CTNNA2: variants seen among roughly 807,000 people sequenced by gnomAD.
The protein encoded by CTNNA2 is catenin alpha 2, also known as catenin alpha-2.
Under a neutral mutation model 101.0 loss-of-function variants are expected in CTNNA2, and 42 were observed. That is an observed-to-expected ratio of 0.42 (90% CI 0.32 to 0.54). CTNNA2 has a LOEUF of 0.54. Among genes scored for constraint, CTNNA2 ranks in the 20% least tolerant of loss-of-function variants. The pLI is 0.14. For missense variants in CTNNA2, 871 were observed against 1,223.1 expected (o/e 0.71, Z 4.29); for synonymous variants, 450 against 456.4 (o/e 0.99, Z 0.18).
intron 17 of CTNNA2, chr2:80,608,566 G>A (rs1698212986): frequency 9.6e-6 from 3 of 312,624 alleles, no homozygotes; most frequent in Admixed American, 4.5e-5. Context: ...AACTAATTTT[G>A]TAGTCTGGAA....
intron 1 of CTNNA2, among the ~76,000 whole-genome samples, chr2:79,557,852 G>A (rs1479849393): frequency 6.6e-6 from 1 of 151,956 alleles, no homozygotes; most frequent in African/African-American, 2.4e-5. Context: ...GTGTACTACT[G>A]TGGTACTGAA....
At chr2:79,960,916 C>T (rs1483858858) in intron 7 of CTNNA2, among the ~76,000 whole-genome samples, 3 of 152,232 alleles carry the variant, frequency 2.0e-5, no homozygotes, top group East Asian at 1.9e-4. Flanking sequence ...GTAGGAGCTC[C>T]CAGTTCAGTA....
intron 1 of CTNNA2, among the ~76,000 whole-genome samples, chr2:79,634,126 G>A (rs1315643492): frequency 1.3e-5 from 2 of 152,172 alleles, no homozygotes; most frequent in Non-Finnish European, 2.9e-5. Flanking sequence ...AATAATTTTG[G>A]TGGCTGAGAG....
Position 80,302,915 on chromosome 2 carries a change from G to C in CTNNA2, c.1057-90296G>C, listed in dbSNP as rs753683501. The C allele has an allele frequency of 6.2e-7, 1 of 1,614,136 alleles. No homozygotes were observed. The highest frequency in any genetic ancestry group is 8.5e-7 in the Non-Finnish European group (1 of 1,180,028). ...GGTGATGCTTGTCAGGGACTTCCAA[G>C]AGTTGAGGATCCGGGGCTCGATGTA... On this transcript the variant is annotated intron_variant, in intron 7 of 18. Coordinates refer to ENST00000402739, the MANE Select transcript of CTNNA2 (RefSeq NM_001282597.3). The surrounding 1 kb of genome is among the most constrained non-coding windows in gnomAD (Gnocchi z 6.4).
At chr2:79,780,312 A>G (rs757401298) in intron 3 of CTNNA2, among the ~76,000 whole-genome samples, 18 of 152,188 alleles carry the variant, frequency 1.2e-4, no homozygotes, top group Non-Finnish European at 2.1e-4. Flanking sequence ...TGAACCATTG[A>G]TCAGTCATAT....
chr2:80,613,917 G>C (rs796959035), intron 17 of CTNNA2, among the ~76,000 whole-genome samples: 7 of 151,548 alleles, frequency 4.6e-5, no homozygotes, highest in African/African-American at 1.7e-4. Flanking sequence ...ATTACTGCTT[G>C]TAACAGCAGG....
At chr2:79,894,475 G>A (rs140495836) in intron 6 of CTNNA2, among the ~76,000 whole-genome samples, 41 of 152,052 alleles carry the variant, frequency 2.7e-4, no homozygotes, top group Admixed American at 2.6e-4. Flanking sequence ...AATCGTTTCC[G>A]TAGGTCCCTG....
intron 2 of CTNNA2, among the ~76,000 whole-genome samples, chr2:79,200,727 A>C (rs1674023063): frequency 6.6e-6 from 1 of 152,154 alleles, no homozygotes; most frequent in Non-Finnish European, 1.5e-5. Flanking sequence ...AAAACAAACC[A>C]TGAAGGCCTT....
intron 7 of CTNNA2, chr2:80,299,811 G>A (rs1676080658): frequency 6.6e-6 from 1 of 152,170 alleles, no homozygotes; most frequent in Admixed American, 6.6e-5. Context: ...TGCCAGAAAG[G>A]TTTTGCTTCT....
chr2:79,258,789 G>C (rs1028986391), intron 2 of CTNNA2, among the ~76,000 whole-genome samples: 11 of 144,858 alleles, frequency 7.6e-5, no homozygotes, highest in Non-Finnish European at 1.3e-4. Context: ...TGTGCACCTA[G>C]GCCTACAGGG....
intron 13 of CTNNA2, among the ~76,000 whole-genome samples, chr2:80,575,472 A>G (rs1214783707): frequency 6.6e-6 from 1 of 152,078 alleles, no homozygotes; most frequent in Non-Finnish European, 1.5e-5. Flanking sequence ...ATGCCTAGAA[A>G]TATGGGAGGG....
intron 4 of CTNNA2, among the ~76,000 whole-genome samples, chr2:79,471,401 T>C (rs568279754): frequency 8.5e-5 from 13 of 152,280 alleles, no homozygotes; most frequent in Admixed American, 7.8e-4. Flanking sequence ...TTCTGAGTTG[T>C]GAAAGCCAAC....
At chr2:80,491,750 G>A (rs576973226) in intron 9 of CTNNA2, among the ~76,000 whole-genome samples, 1 of 152,280 alleles carries the variant, frequency 6.6e-6, no homozygotes, top group East Asian at 1.9e-4. Context: ...CCTCAAAAAT[G>A]TCTCTGTTCA....
At chr2:80,374,678 CGTGCGTGTGTGTGT>C (rs1675762043) in intron 7 of CTNNA2, among the ~76,000 whole-genome samples, 1 of 143,148 alleles carries the variant, frequency 7.0e-6, no homozygotes, top group East Asian at 2.2e-4. Context: ...TGCGTGCGTG[CGTGCGTGTGTGTGT>C]GTGTGTGTGT....
At chr2:79,201,425 AG>A (rs957964789) in intron 2 of CTNNA2, among the ~76,000 whole-genome samples, 2 of 143,536 alleles carry the variant, frequency 1.4e-5, no homozygotes, top group African/African-American at 5.3e-5. Context: ...TCCTAGAAGC[AG>A]GAAAAAACTC....
At chr2:80,001,495 G>A (rs1211058862) in intron 7 of CTNNA2, among the ~76,000 whole-genome samples, 3 of 152,158 alleles carry the variant, frequency 2.0e-5, no homozygotes, top group African/African-American at 7.2e-5. Context: ...TATAATATGT[G>A]TGCATATATG....
At chr2:79,263,926 A>G (rs561808337) in intron 2 of CTNNA2, among the ~76,000 whole-genome samples, 1 of 152,354 alleles carries the variant, frequency 6.6e-6, no homozygotes, top group African/African-American at 2.4e-5. Flanking sequence ...AATGCATATA[A>G]GGGATCTATA....
chr2:79,938,522 C>T (rs1687939005), intron 7 of CTNNA2, among the ~76,000 whole-genome samples: 1 of 152,212 alleles, frequency 6.6e-6, no homozygotes, highest in South Asian at 2.1e-4. Context: ...TATTATCCAA[C>T]ATTTTTAGAG....
chr2:80,171,838 A>T (rs967712524), intron 7 of CTNNA2, among the ~76,000 whole-genome samples: 2 of 152,198 alleles, frequency 1.3e-5, no homozygotes, highest in African/African-American at 4.8e-5. Flanking sequence ...CCCTGGTAAA[A>T]TTCATAAAAG....
Sources: gnomAD v4.1 joint callset for allele counts (sites outside exome capture counted in the v4.1 genomes callset) on GRCh38, gnomAD v4.1.1 for gene constraint, Gnocchi (gnomAD v3.1) non-coding constraint, MANE v1.5 for transcripts, NCBI Gene and HGNC (gene_info 2026-07-23, HGNC 2026-07-21) for gene names.